GRIP1: variants seen among roughly 807,000 people sequenced by gnomAD.
The protein encoded by GRIP1 is glutamate receptor-interacting protein 1.
In GRIP1, 45 loss-of-function variants were observed where a neutral mutation model predicts 129.9. The observed-to-expected ratio is 0.35, with a 90% confidence interval of 0.27 to 0.44. The LOEUF (loss-of-function observed/expected upper bound fraction) is 0.44. GRIP1 is among the 20% of genes least tolerant of loss of function. The pLI, the probability that GRIP1 is intolerant of heterozygous loss-of-function variation, is 1.00. For synonymous variants in GRIP1, 530 were observed against 520.8 expected (o/e 1.02, Z -0.24); for missense variants, 1,196 against 1,396.8 (o/e 0.86, Z 2.29).
intron 1 of GRIP1, among the ~76,000 whole-genome samples, chr12:66,887,620 C>T (rs1450473344): frequency 6.6e-6 from 1 of 152,176 alleles, no homozygotes; most frequent in Non-Finnish European, 1.5e-5. Flanking sequence ...GTAATTTGAA[C>T]ATTCTACACA....
At chr12:66,435,507 C>T (rs950261182) in intron 13 of GRIP1, among the ~76,000 whole-genome samples, 1 of 152,110 alleles carries the variant, frequency 6.6e-6, no homozygotes, top group Non-Finnish European at 1.5e-5. Context: ...CTGTCCTACC[C>T]ATTTAATATT....
At chr12:66,723,695 T>A (rs1565988528) in intron 1 of GRIP1, among the ~76,000 whole-genome samples, 1 of 152,076 alleles carries the variant, frequency 6.6e-6, no homozygotes, top group Non-Finnish European at 1.5e-5. Flanking sequence ...TGAGACACTG[T>A]AAAGCAACAC....
intron 1 of GRIP1, among the ~76,000 whole-genome samples, chr12:66,898,069 T>C (rs2040781283): frequency 6.6e-6 from 1 of 152,222 alleles, no homozygotes; most frequent in Non-Finnish European, 1.5e-5. Context: ...CCTAAATGCG[T>C]GTCCAAATAC....
At position 66,586,591 on chromosome 12, in the gene GRIP1, C is replaced by A. The variant is rs564735977; in HGVS notation, c.136+10256G>T. On this transcript the variant is annotated intron_variant, in intron 2 of 24. Coordinates refer to ENST00000359742, the MANE Select transcript of GRIP1 (RefSeq NM_001366722.1). The stretch of plus-strand genomic sequence containing the variant: ...AAGCTCTCCTCTGAGTTCCCCACTC[C>A]CCTGTTCCACTGATCCATTTCTTCC... 1.1e-4 allele frequency among the ~76,000 whole-genome samples: 16 copies of A among 152,284 alleles called. 1 individual carries two copies. In the South Asian group the frequency reaches 3.1e-3, roughly 30 times the overall value.
intron 15 of GRIP1, among the ~76,000 whole-genome samples, chr12:66,415,777 G>A (rs111561314): frequency 0.029 from 4,443 of 152,250 alleles, 96 homozygotes; most frequent in Non-Finnish European, 0.043. Flanking sequence ...CAGGTACATG[G>A]ATAGACCTGG....
chr12:67,067,048 T>C (rs916787623), intron 1 of GRIP1, among the ~76,000 whole-genome samples: 1 of 151,800 alleles, frequency 6.6e-6, no homozygotes, highest in Non-Finnish European at 1.5e-5. Context: ...TATATACTAA[T>C]TATTTAGAAA....
chr12:66,534,876 T>C (rs890647360), intron 4 of GRIP1, among the ~76,000 whole-genome samples: 4 of 152,126 alleles, frequency 2.6e-5, no homozygotes, highest in African/African-American at 9.7e-5. Flanking sequence ...GTGTTTTTAG[T>C]AGATACAGGG....
intron 1 of GRIP1, among the ~76,000 whole-genome samples, chr12:66,918,583 C>T (rs1296944028): frequency 1.3e-5 from 2 of 152,086 alleles, no homozygotes; most frequent in Non-Finnish European, 2.9e-5. Flanking sequence ...TCCCAAATTC[C>T]AAAGATTTAG....
At chr12:66,838,652 A>G (rs1385713425) in intron 1 of GRIP1, among the ~76,000 whole-genome samples, 2 of 152,224 alleles carry the variant, frequency 1.3e-5, no homozygotes, top group African/African-American at 4.8e-5. Context: ...ACAAGGACAG[A>G]GCATCACCCG....
intron 1 of GRIP1, among the ~76,000 whole-genome samples, chr12:66,789,252 C>A (rs550460928): frequency 2.0e-4 from 30 of 152,138 alleles, no homozygotes; most frequent in Middle Eastern, 6.8e-3. Flanking sequence ...AGAATTAAGT[C>A]GGATGGGCAG....
intron 1 of GRIP1, among the ~76,000 whole-genome samples, chr12:67,067,731 G>A (rs139449110): frequency 9.5e-4 from 144 of 152,256 alleles, no homozygotes; most frequent in Non-Finnish European, 1.3e-3. Flanking sequence ...AGTAGTAAGT[G>A]TTATTCAAAA....
chr12:66,377,642 T>G (rs941727231), intron 20 of GRIP1, among the ~76,000 whole-genome samples: 3 of 148,720 alleles, frequency 2.0e-5, no homozygotes, highest in Non-Finnish European at 4.5e-5. Context: ...CCCGGCCTTT[T>G]TTTTTTTTTT....
At chr12:66,438,733 T>A (rs2058385715) in intron 13 of GRIP1, among the ~76,000 whole-genome samples, 1 of 152,110 alleles carries the variant, frequency 6.6e-6, no homozygotes, top group Admixed American at 6.5e-5. Context: ...TGACCTCAAG[T>A]AATCCACCCG....
At chr12:66,762,689 A>G (rs1921008) in intron 1 of GRIP1, among the ~76,000 whole-genome samples, 40,683 of 152,044 alleles carry the variant, frequency 0.27, 6,556 homozygotes, top group Non-Finnish European at 0.36. Flanking sequence ...TGGGAAATCA[A>G]AAAGAAATGA....
intron 1 of GRIP1, among the ~76,000 whole-genome samples, chr12:66,995,926 T>A (rs2042460282): frequency 6.6e-6 from 1 of 152,134 alleles, no homozygotes; most frequent in African/African-American, 2.4e-5. Flanking sequence ...ACAACCCAAA[T>A]GTCCGTCAAC....
At chr12:66,929,464 A>C (rs896693077) in intron 1 of GRIP1, among the ~76,000 whole-genome samples, 1 of 152,202 alleles carries the variant, frequency 6.6e-6, no homozygotes, top group African/African-American at 2.4e-5. Context: ...TCTTGAACAC[A>C]AGCTCAGTAA....
chr12:66,397,845 T>C (rs2056852302), intron 16 of GRIP1, among the ~76,000 whole-genome samples: 1 of 152,228 alleles, frequency 6.6e-6, no homozygotes, highest in African/African-American at 2.4e-5. Context: ...CATTATGCTA[T>C]TTTTATTTTT....
chr12:66,674,732 G>A (rs994586670), intron 1 of GRIP1, among the ~76,000 whole-genome samples: 1 of 152,162 alleles, frequency 6.6e-6, no homozygotes, highest in African/African-American at 2.4e-5. Flanking sequence ...TGGGGTAAGT[G>A]TAAGGAACAA....
At chr12:66,669,953 G>A (rs533747406) in intron 1 of GRIP1, among the ~76,000 whole-genome samples, 2 of 152,282 alleles carry the variant, frequency 1.3e-5, no homozygotes, top group East Asian at 3.9e-4. Context: ...TTAAATGATT[G>A]TGTTTACAAG....
Sources: allele counts gnomAD v4.1 joint callset (sites outside exome capture counted in the v4.1 genomes callset), GRCh38; gene constraint gnomAD v4.1.1; transcripts MANE v1.5; gene names NCBI Gene and HGNC (gene_info 2026-07-23, HGNC 2026-07-21).